Variants in PIK3AP1 observed in about 807,000 individuals in gnomAD.
The protein encoded by PIK3AP1 is phosphoinositide 3-kinase adapter protein 1.
In PIK3AP1, 21 loss-of-function variants were observed where a neutral mutation model predicts 88.1. The observed-to-expected ratio is 0.24, with a 90% confidence interval of 0.17 to 0.34. PIK3AP1 has a LOEUF of 0.34. PIK3AP1 is among the 10% of genes least tolerant of loss of function. The probability of loss-of-function intolerance (pLI) is 1.00; values close to 1 mark genes in which losing one functional copy is unlikely to be tolerated. For synonymous variants in PIK3AP1, 398 were observed against 400.0 expected, an observed-to-expected ratio of 1.00 and a Z score of 0.06; for missense variants, 828 against 1,035.7, an observed-to-expected ratio of 0.80 and a Z score of 2.75.
chr10:96,709,684 C>T lies in PIK3AP1; in HGVS notation c.313G>A (p.Val105Met). 6.2e-7 allele frequency: 1 copy of T among 1,614,262 alleles called. No homozygotes were observed. The highest frequency in any genetic ancestry group is 8.5e-7 in the Non-Finnish European group (1 of 1,180,050). Residue 105 changes from valine (V) to methionine (M), a missense_variant, in exon 2 of 17, where the codon GTG (valine) becomes ATG (methionine). This residue lies in a region of PIK3AP1 where 610 missense variants were observed against 760.1 expected (regional missense o/e 0.80). Coordinates refer to ENST00000339364, the MANE Select transcript of PIK3AP1 (RefSeq NM_152309.3). The part of the protein sequence containing the change: ...PHRVVRLLCG[V>M]RDSEEFLDFF... ...TCTAGGAACTCCTCGCTGTCCCGCA[C>T]GCCGCAGAGCAGCCTGACCACGCGG...
chr10:96,630,333 T>C (rs972879598), intron 8 of PIK3AP1, among the ~76,000 whole-genome samples: 3 of 152,208 alleles, frequency 2.0e-5, no homozygotes, highest in Non-Finnish European at 2.9e-5. Flanking sequence ...TTGTCACCAC[T>C]GAATTCCATA....
chr10:96,602,352 G>T lies in PIK3AP1; in HGVS notation c.2288C>A (p.Pro763Gln), dbSNP rs1173110540. The T allele has an allele frequency of 2.5e-6, 4 of 1,612,098 alleles. No homozygotes were observed. The highest frequency in any genetic ancestry group is 2.2e-5 in the East Asian group (1 of 44,786). ...EVTRSRSPGPPQVDGTPTMSL... is the reference protein window; with the variant it reads ...EVTRSRSPGPQQVDGTPTMSL... ...CATGGTGGGTGTCCCATCCACTTGT[G>T]GGGGGCCTGGACTGCGACTTCTGGT... Residue 763 changes from proline (P) to glutamine (Q), a missense_variant, in exon 16 of 17, where the codon CCA becomes CAA. Pro to Gln is a moderately conservative substitution (Grantham distance 76, BLOSUM62 -1). Around this residue, in one of 3 missense-constraint regions of PIK3AP1, gnomAD observed 191 missense variants for 208.6 expected, o/e 0.92. Transcript: ENST00000339364.
chr10:96,636,597 TACTTCAGATCCCAAGCACTTAA>T (rs1297491047), intron 8 of PIK3AP1, among the ~76,000 whole-genome samples: 1 of 152,244 alleles, frequency 6.6e-6, no homozygotes, highest in Non-Finnish European at 1.5e-5. Context: ...TCAGGGCTTG[TACTTCAGATCCCAAGCACTTAA>T]ACTTCATGAC....
chr10:96,668,232 A>G (rs1246819986), intron 2 of PIK3AP1, among the ~76,000 whole-genome samples: 1 of 152,188 alleles, frequency 6.6e-6, no homozygotes, highest in Non-Finnish European at 1.5e-5. Flanking sequence ...TTAACCGCAT[A>G]CACCAAAAAC....
chr10:96,621,209 G>T, intron 11 of PIK3AP1: 1 of 155,702 alleles, frequency 6.4e-6, no homozygotes, highest in South Asian at 1.8e-4. Flanking sequence ...GGGGCTTGCT[G>T]ATCTTGTTCC....
chr10:96,674,803 G>A (rs894469256), intron 2 of PIK3AP1, among the ~76,000 whole-genome samples: 4 of 152,236 alleles, frequency 2.6e-5, no homozygotes, highest in Non-Finnish European at 4.4e-5. Flanking sequence ...CGTGAACCAA[G>A]CTTCGCTGAA....
chr10:96,616,506 AC>A, intron 13 of PIK3AP1, 132 bp downstream of exon 13: 3 of 880,192 alleles, frequency 3.4e-6, no homozygotes, highest in South Asian at 2.9e-5. Flanking sequence ...CTAGTGGGGG[AC>A]CCAGATCTGT....
intron 2 of PIK3AP1, among the ~76,000 whole-genome samples, chr10:96,669,119 G>A (rs1843806549): frequency 6.6e-6 from 1 of 151,434 alleles, no homozygotes; most frequent in Non-Finnish European, 1.5e-5. Flanking sequence ...GTGACAGAAT[G>A]AGACTCCATC....
Position 96,641,242 on chromosome 10 carries a change from T to A in PIK3AP1, c.1375+4231A>T, listed in dbSNP as rs186841365. On this transcript the variant is annotated intron_variant, in intron 8 of 16. Transcript: ENST00000339364. ...TCTCCAGCCCCATTTCAATTAACACTGGGAGCTTCCCCTATAAGCTTCCAA... is the reference window on the plus strand; with the variant it reads ...TCTCCAGCCCCATTTCAATTAACACAGGGAGCTTCCCCTATAAGCTTCCAA... 9.2e-5 allele frequency among the ~76,000 whole-genome samples: 14 copies of A among 152,230 alleles called. No individual in the cohort carries two copies. The East Asian group carries it at 2.5e-3, about 27-fold the overall frequency.
In PIK3AP1 at chr10:96,706,139, C is replaced by T. The variant is rs150802270; in HGVS notation, c.430+3428G>A. On this transcript the variant is annotated intron_variant, in intron 2 of 16. Coordinates refer to ENST00000339364, the MANE Select transcript of PIK3AP1 (RefSeq NM_152309.3). Reference sequence around the variant, plus strand: ...CAAACTCCTGACCTCGTGATCCGCCCGCCTCGGCCTCCCAAAGGGCTGGGA... The same window carrying T: ...CAAACTCCTGACCTCGTGATCCGCCTGCCTCGGCCTCCCAAAGGGCTGGGA... Among the ~76,000 whole-genome samples, 505 of 151,272 alleles carry T rather than the reference C, an allele frequency of 3.3e-3. 1 individual carries two copies. The highest frequency in any genetic ancestry group is 4.8e-3 in the Admixed American group (73 of 15,198).
chr10:96,598,898 A>G (rs1848831817), intron 16 of PIK3AP1, among the ~76,000 whole-genome samples: 1 of 152,212 alleles, frequency 6.6e-6, no homozygotes, highest in South Asian at 2.1e-4. Context: ...TCATCGGTGA[A>G]TACAGGAGAG....
intron 2 of PIK3AP1, among the ~76,000 whole-genome samples, chr10:96,690,051 C>G (rs1340952997): frequency 1.3e-5 from 2 of 152,208 alleles, no homozygotes; most frequent in Non-Finnish European, 2.9e-5. Flanking sequence ...CCCTTCAGAG[C>G]ATCTTCAGAC....
chr10:96,629,909 CAAAAA>C (rs66669261), intron 8 of PIK3AP1, among the ~76,000 whole-genome samples: 6 of 5,416 alleles, frequency 1.1e-3, no homozygotes, highest in African/African-American at 1.5e-3. Context: ...CAACAACAAC[CAAAAA>C]AAAAAAAAAA....
rs753369171 is a variant in PIK3AP1 at position 96,616,639 on chromosome 10, C to T, written c.2014G>A (p.Asp672Asn). Residue 672 changes from aspartate (D) to asparagine (N), a missense_variant and splice_region_variant, in exon 13 of 17, where the codon GAC becomes AAC. Transcript: ENST00000339364. ...REKQKSGKQT[D>N]LEITVPIRHS... ...TGCAGCACCCTAGGAAGCCACATAC[C>T]TGTCTGCTTTCCTGATTTTTGCTTC... is the stretch of plus-strand genomic sequence containing the variant. 2 of 1,614,052 alleles carry T rather than the reference C, an allele frequency of 1.2e-6. No homozygotes were observed. The highest frequency in any genetic ancestry group is 2.2e-5 in the East Asian group (1 of 44,886).
intron 1 of PIK3AP1, among the ~76,000 whole-genome samples, chr10:96,717,731 C>T (rs1489592027): frequency 6.6e-6 from 1 of 152,154 alleles, no homozygotes; most frequent in Non-Finnish European, 1.5e-5. Context: ...GACTTGGCCA[C>T]TTGGGAAAGT....
chr10:96,595,635 C>G lies in PIK3AP1; in HGVS notation c.2361-1G>C. On this transcript the variant is annotated splice_acceptor_variant, in intron 16 of 16. Transcript: ENST00000339364. LOFTEE classifies it high-confidence loss of function. ...ATGGAAGGTCTCCCTGGTCGGAGGC[C>G]TAAAATGAAAGATAAGGCAACTCTA... The G allele has an allele frequency of 6.2e-7, 1 of 1,612,924 alleles. No homozygotes were observed. The highest frequency in any genetic ancestry group is 1.1e-5 in the South Asian group (1 of 90,726).
chr10:96,662,888 CAA>C (rs749898725), intron 2 of PIK3AP1, among the ~76,000 whole-genome samples: 906 of 21,988 alleles, frequency 0.041, no homozygotes, highest in Non-Finnish European at 0.06. Flanking sequence ...GACTCCGTCT[CAA>C]AAAAAAAAAA....
intron 1 of PIK3AP1, among the ~76,000 whole-genome samples, chr10:96,713,461 G>A (rs7085603): frequency 0.013 from 1,910 of 142,574 alleles, 31 homozygotes; most frequent in African/African-American, 0.036. Context: ...CCGAGATTGC[G>A]CCACTGCACT....
intron 9 of PIK3AP1, among the ~76,000 whole-genome samples, chr10:96,627,244 G>T (rs1382281310): frequency 6.6e-6 from 1 of 152,214 alleles, no homozygotes. Flanking sequence ...GTTAAGAAAG[G>T]TGGGGCGTTC....
Sources: allele counts gnomAD v4.1 joint callset (sites outside exome capture counted in the v4.1 genomes callset), GRCh38; gene constraint gnomAD v4.1.1; regional missense constraint gnomAD v4.1.1; transcripts MANE v1.5; gene names NCBI Gene and HGNC (gene_info 2026-07-23, HGNC 2026-07-21).